Variants in PARD6G observed in about 807,000 individuals in gnomAD.
PARD6G encodes the protein partitioning defective 6 homolog gamma.
A neutral mutation model predicts 10.7 loss-of-function variants in PARD6G; 7 were observed. That is an observed-to-expected ratio of 0.66 (90% CI 0.37 to 1.23). PARD6G has a LOEUF of 1.23. Among genes scored for constraint, PARD6G ranks in the 50% most tolerant of loss-of-function variants. The probability of loss-of-function intolerance (pLI) is 0.02; values close to 1 mark genes in which losing one functional copy is unlikely to be tolerated. For missense variants in PARD6G, 548 were observed against 571.8 expected (o/e 0.96, Z 0.42); for synonymous variants, 287 against 269.4 (o/e 1.07, Z -0.64).
intron 2 of PARD6G, among the ~76,000 whole-genome samples, chr18:80,186,539 C>T (rs549820184): frequency 1.3e-3 from 192 of 151,316 alleles, no homozygotes; most frequent in African/African-American, 4.0e-3. Flanking sequence ...CTCACACACG[C>T]GCACACCCTC....
intron 1 of PARD6G, among the ~76,000 whole-genome samples, chr18:80,220,529 A>AG (rs766873921): frequency 6.6e-6 from 1 of 152,236 alleles, no homozygotes. Context: ...ATTTTAACAA[A>AG]TATACTATAT....
Position 80,228,854 on chromosome 18 carries a change from T to C in PARD6G, c.72+18423A>G, listed in dbSNP as rs374985800. On this transcript the variant is annotated intron_variant, in intron 1 of 2. Coordinates refer to ENST00000353265, the MANE Select transcript of PARD6G (RefSeq NM_032510.4). This position sits in a 1 kb window ranked among gnomAD's most constrained non-coding sequence, Gnocchi z 4.6. ...CAGGAAATGTTCATCAAAATACTTA[T>C]AAGGGTGACAAATGGAAACAGTAAG... Among the ~76,000 whole-genome samples, 2 of 152,162 alleles carry C rather than the reference T, an allele frequency of 1.3e-5. No individual in the cohort carries two copies. The highest frequency in any genetic ancestry group is 2.4e-5 in the African/African-American group (1 of 41,432).
At chr18:80,244,169 C>T (rs1299606955) in intron 1 of PARD6G, among the ~76,000 whole-genome samples, 1 of 152,130 alleles carries the variant, frequency 6.6e-6, no homozygotes, top group Admixed American at 6.6e-5. Flanking sequence ...TGCTCTCCTC[C>T]ACGTGAAACA....
intron 1 of PARD6G, among the ~76,000 whole-genome samples, chr18:80,211,093 C>T (rs1256589701): frequency 6.6e-6 from 1 of 151,934 alleles, no homozygotes; most frequent in Non-Finnish European, 1.5e-5. Flanking sequence ...TTTGAAAAGC[C>T]ATCTGTATTT....
intron 1 of PARD6G, among the ~76,000 whole-genome samples, chr18:80,226,149 C>A (rs1269399111): frequency 8.6e-6 from 1 of 116,110 alleles, no homozygotes; most frequent in Non-Finnish European, 1.7e-5. Flanking sequence ...CCAATGACTT[C>A]AGTTTTTTTT....
At chr18:80,238,502 A>C (rs1239481862) in intron 1 of PARD6G, among the ~76,000 whole-genome samples, 4 of 151,830 alleles carry the variant, frequency 2.6e-5, no homozygotes, top group African/African-American at 4.8e-5. Context: ...AAAAAAAAAA[A>C]CAACTATTTT....
Position 80,184,709 on chromosome 18 carries a change from T to A in PARD6G, c.295+18001A>T, listed in dbSNP as rs917816110. 2.0e-5 allele frequency: 3 copies of A among 152,172 alleles called. No individual in the cohort carries two copies. Among genetic ancestry groups the A allele is most frequent in the Non-Finnish European group, 4.4e-5 (3 of 68,038 alleles). 9.4% of individuals were successfully genotyped at this position (152,172 alleles called of 1,614,324 possible). On this transcript the variant is annotated intron_variant, in intron 2 of 2. Coordinates refer to ENST00000353265, the MANE Select transcript of PARD6G (RefSeq NM_032510.4). The surrounding 1 kb of genome is among the most constrained non-coding windows in gnomAD (Gnocchi z 4.5). ...CCAGGCACCCAGACCATGCACCGTA[T>A]GATTCCTTTCACGTGAAATTTCCAG...
chr18:80,193,711 T>G (rs1476178787), intron 2 of PARD6G, among the ~76,000 whole-genome samples: 1 of 152,220 alleles, frequency 6.6e-6, no homozygotes, highest in Non-Finnish European at 1.5e-5. Flanking sequence ...TGTCTTGGTG[T>G]TGACACTTTG....
intron 2 of PARD6G, among the ~76,000 whole-genome samples, chr18:80,166,271 A>G (rs1240742355): frequency 1.3e-5 from 2 of 150,992 alleles, no homozygotes; most frequent in African/African-American, 4.9e-5. Context: ...CACCACCCCA[A>G]TCATGAGTGT....
At position 80,201,146 on chromosome 18, in the gene PARD6G, G is replaced by A. The variant is rs760912096; in HGVS notation, c.295+1564C>T. 1.1e-4 allele frequency among the ~76,000 whole-genome samples: 17 copies of A among 152,256 alleles called. No homozygotes were observed. Among genetic ancestry groups the A allele is most frequent in the Non-Finnish European group, 2.2e-4 (15 of 68,018 alleles). The stretch of plus-strand genomic sequence containing the variant: ...AAACCAGCTCTGGGAGCAATGGACA[G>A]AGCCCAGAGGAAGCCGAGTAAGAGG... On this transcript the variant is annotated intron_variant, in intron 2 of 2. Transcript: ENST00000353265. The surrounding 1 kb of genome is among the most constrained non-coding windows in gnomAD (Gnocchi z 5.9).
intron 1 of PARD6G, among the ~76,000 whole-genome samples, chr18:80,236,776 G>T (rs930402534): frequency 6.6e-6 from 1 of 152,096 alleles, no homozygotes; most frequent in Non-Finnish European, 1.5e-5. Flanking sequence ...AAACACCTAG[G>T]AAACCAACTT....
At chr18:80,230,244 C>T (rs1172618365) in intron 1 of PARD6G, among the ~76,000 whole-genome samples, 2 of 152,242 alleles carry the variant, frequency 1.3e-5, no homozygotes, top group Non-Finnish European at 2.9e-5. Flanking sequence ...ACATGAGCTG[C>T]CTCAGACCTT....
At chr18:80,219,401 A>G (rs139346948) in intron 1 of PARD6G, among the ~76,000 whole-genome samples, 3,906 of 152,136 alleles carry the variant, frequency 0.026, 158 homozygotes, top group African/African-American at 0.089. Context: ...GTAGAGATGC[A>G]GTTTCACCAT....
intron 2 of PARD6G, among the ~76,000 whole-genome samples, chr18:80,186,493 C>G (rs1369046207): frequency 1.3e-5 from 2 of 150,896 alleles, no homozygotes; most frequent in Admixed American, 6.6e-5. Context: ...CATGCACCCT[C>G]ACACATGCTC....
intron 2 of PARD6G, among the ~76,000 whole-genome samples, chr18:80,193,699 A>T (rs1599859012): frequency 6.6e-6 from 1 of 152,332 alleles, no homozygotes; most frequent in East Asian, 1.9e-4. Context: ...GATACTGGTT[A>T]ATGTCTTGGT....
intron 2 of PARD6G, among the ~76,000 whole-genome samples, chr18:80,202,341 A>G (rs1967015589): frequency 6.6e-6 from 1 of 152,168 alleles, no homozygotes; most frequent in Non-Finnish European, 1.5e-5. Flanking sequence ...GTTATCATCG[A>G]AAGCTAACAT....
intron 1 of PARD6G, among the ~76,000 whole-genome samples, chr18:80,232,627 C>A (rs907743402): frequency 6.6e-6 from 1 of 151,554 alleles, no homozygotes; most frequent in African/African-American, 2.4e-5. Context: ...TATCTCCCAC[C>A]AGGTCCCTCC....
chr18:80,182,845 G>T lies in PARD6G; in HGVS notation c.295+19865C>A, dbSNP rs1599853423. ...TTTGGGCAGGACAAATGTTCCCAGA[G>T]AACTTTTAAATCTGATGTTATAGTT... is the stretch of plus-strand genomic sequence containing the variant. On this transcript the variant is annotated intron_variant, in intron 2 of 2. Coordinates refer to ENST00000353265, the MANE Select transcript of PARD6G (RefSeq NM_032510.4). This position sits in a 1 kb window ranked among gnomAD's most constrained non-coding sequence, Gnocchi z 4.5. 4.7e-6 allele frequency: 2 copies of T among 422,430 alleles called. No individual in the cohort carries two copies. Among genetic ancestry groups the T allele is most frequent in the Non-Finnish European group, 8.4e-6 (2 of 238,446 alleles). The allele number at this position is 422,430 out of a possible 1,614,324, so 26.2% of individuals were successfully genotyped here. A position where few individuals can be genotyped will look rare whatever the true frequency, so the allele number is the denominator to read the frequency against.
At chr18:80,177,591 TGCATACAC>T (rs376247009) in intron 2 of PARD6G, among the ~76,000 whole-genome samples, 210 of 141,884 alleles carry the variant, frequency 1.5e-3, no homozygotes, top group African/African-American at 5.5e-3. Flanking sequence ...CACACACACA[TGCATACAC>T]ACAAACACAC....
Sources: allele counts gnomAD v4.1 joint callset (sites outside exome capture counted in the v4.1 genomes callset), GRCh38; gene constraint gnomAD v4.1.1; non-coding constraint Gnocchi (gnomAD v3.1); transcripts MANE v1.5; gene names NCBI Gene and HGNC (gene_info 2026-07-23, HGNC 2026-07-21).